The following FBXL18 variants were observed in gnomAD, a reference collection of about 807,000 sequenced individuals.
FBXL18 encodes the protein F-box/LRR-repeat protein 18.
FBXL18 carries 36 observed loss-of-function variants against 46.0 expected under a neutral mutation model. The observed-to-expected ratio is 0.78, with a 90% CI of 0.60 to 1.03. The LOEUF (loss-of-function observed/expected upper bound fraction) is 1.03. FBXL18 is among the 50% of genes least tolerant of loss of function. The probability of loss-of-function intolerance (pLI) is 0.00; values close to 1 mark genes in which losing one functional copy is unlikely to be tolerated. For missense variants in FBXL18, 977 were observed against 1,004.1 expected (o/e 0.97, Z 0.36); for synonymous variants, 557 against 465.3 (o/e 1.20, Z -2.54).
intron 1 of FBXL18, among the ~76,000 whole-genome samples, chr7:5,511,511 C>A (rs962393956): frequency 1.6e-4 from 24 of 149,562 alleles, no homozygotes; most frequent in Non-Finnish European, 3.1e-4. Context: ...GAGGCTGAGG[C>A]AGGAGAATCG....
chr7:5,509,594 CG>C (rs1784477432), intron 1 of FBXL18, among the ~76,000 whole-genome samples: 2 of 149,240 alleles, frequency 1.3e-5, no homozygotes, highest in Admixed American at 6.8e-5. Flanking sequence ...TCCAGCAACT[CG>C]GGGGGCTGAG....
rs1254059757 is a variant in FBXL18, at chr7:5,455,980, A to G, written c.2001-8137T>C. Among the ~76,000 whole-genome samples, 1 of 151,678 alleles carries G rather than the reference A, an allele frequency of 6.6e-6. No homozygotes were observed. The highest frequency in any genetic ancestry group is 1.5e-5 in the Non-Finnish European group (1 of 67,892). ...TTCGTTCCCTCTGTGCTCCTTCCCC[A>G]GTGTCACTCCTCCTTCAAACCCCAA... On this transcript the variant is annotated intron_variant and NMD_transcript_variant, in intron 4 of 6. Transcript: ENST00000415009. This position sits in a 1 kb window ranked among gnomAD's most constrained non-coding sequence, Gnocchi z 4.6.
chr7:5,507,805 G>C (rs1784429052), intron 1 of FBXL18, among the ~76,000 whole-genome samples: 1 of 151,938 alleles, frequency 6.6e-6, no homozygotes, highest in Non-Finnish European at 1.5e-5. Flanking sequence ...CTGCACTCCA[G>C]CCTGGGCAAC....
rs758605007 is a variant in FBXL18, at chr7:5,491,289, G to T, written c.1942C>A (p.Leu648Met). The T allele has an allele frequency of 1.8e-5, 29 of 1,613,142 alleles. No individual in the cohort carries two copies. The highest frequency in any genetic ancestry group is 2.4e-5 in the Non-Finnish European group (28 of 1,179,870). ...ARCLQVVMCH[L>M]FTGESLATCK... is the part of the protein sequence containing the mutation. The stretch of plus-strand genomic sequence containing the variant: ...GTGGCGAGGGACTCCCCGGTGAACA[G>T]GTGGCACATGACAACCTGCAGGCAG... The change falls in exon 4 of 5, where the codon CTG (leucine) becomes ATG (methionine). Residue 648 changes from leucine (L) to methionine (M), a missense_variant. Transcript: ENST00000382368.
rs747360843 is a variant in FBXL18 at position 5,481,761 on chromosome 7, G to A, written c.*14C>T. On this transcript the variant is annotated 3_prime_UTR_variant, in exon 5 of 5. Transcript: ENST00000382368. ...CTCGAGGTGACTGAGACCGATGGGC[G>A]GCGGCTCCGCCTCTCACCACCACAG... The A allele has an allele frequency of 1.2e-5, 20 of 1,612,812 alleles. No homozygotes were observed. The highest frequency in any genetic ancestry group is 8.8e-5 in the South Asian group (8 of 91,036).
intron 4 of FBXL18, among the ~76,000 whole-genome samples, chr7:5,456,646 A>AG (rs574191782): frequency 9.5e-4 from 144 of 152,040 alleles, no homozygotes; most frequent in African/African-American, 3.3e-3. Context: ...ATGGAAAAAA[A>AG]AAAAAAAAGG....
intron 4 of FBXL18, among the ~76,000 whole-genome samples, chr7:5,467,871 G>C (rs1783365671): frequency 6.6e-6 from 1 of 152,154 alleles, no homozygotes; most frequent in Admixed American, 6.6e-5. Flanking sequence ...ACAGCAGAAA[G>C]AGCTTGTGAC....
Position 5,501,436 on chromosome 7 carries a change from G to T in FBXL18, c.833C>A (p.Ala278Asp). ...CATGGAGTCCAGGAGGTTCTTGGTG[G>T]CGCCGCTCTCCGCGAAGCTGCCAGG... is the stretch of plus-strand genomic sequence containing the variant. ...SVPGSFAESGATKNLLDSMAR... is the reference protein window; with the variant it reads ...SVPGSFAESGDTKNLLDSMAR... The change falls in exon 3 of 5, where the codon GCC becomes GAC. Residue 278 changes from alanine (A) to aspartate (D), a missense_variant. Transcript: ENST00000382368. 1 of 1,612,732 alleles carries T rather than the reference G, an allele frequency of 6.2e-7. No individual in the cohort carries two copies.
At position 5,480,297 on chromosome 7, in the gene FBXL18, C is replaced by T. The variant is rs896691270; in HGVS notation, c.*1478G>A. ...CCAGGCTAGCAGGGCCCAACTACAG[C>T]CCCCTTTGGAAGCCACTGGCCCAGG... On this transcript the variant is annotated 3_prime_UTR_variant, in exon 5 of 5. Transcript: ENST00000382368. Among the ~76,000 whole-genome samples, 82 of 152,264 alleles carry T rather than the reference C, an allele frequency of 5.4e-4. No homozygotes were observed. Among genetic ancestry groups the T allele is most frequent in the Non-Finnish European group, 8.7e-4 (59 of 68,014 alleles).
intron 1 of FBXL18, among the ~76,000 whole-genome samples, chr7:5,510,925 G>A (rs1014881208): frequency 2.6e-5 from 4 of 152,162 alleles, no homozygotes; most frequent in Non-Finnish European, 5.9e-5. Context: ...AGGAACCACC[G>A]GCTATAATGA....
At chr7:5,509,554 G>A (rs990056924) in intron 1 of FBXL18, among the ~76,000 whole-genome samples, 2 of 151,972 alleles carry the variant, frequency 1.3e-5, no homozygotes, top group East Asian at 1.9e-4. Flanking sequence ...TTAGCCAGGC[G>A]TGGTGGTGGG....
Position 5,501,163 on chromosome 7 carries a change from T to C in FBXL18, c.1106A>G (p.Asp369Gly). The change falls in exon 3 of 5, where the codon GAC becomes GGC. Residue 369 changes from aspartate to glycine, a missense_variant. By Grantham distance (94) the Asp-to-Gly change is moderately conservative. Transcript: ENST00000382368. ...PDSLLRKAED[D>G]IDSSILETLV... ...AGTCTCCAGGATGCTGCTGTCGATG[T>C]CGTCCTCCGCCTTGCGGAGCAGCGA... The C allele has an allele frequency of 6.2e-7, 1 of 1,613,198 alleles. No homozygotes were observed. The highest frequency in any genetic ancestry group is 8.5e-7 in the Non-Finnish European group (1 of 1,179,836).
chr7:5,506,846 A>T (rs1584243536), intron 1 of FBXL18, among the ~76,000 whole-genome samples: 2 of 152,186 alleles, frequency 1.3e-5, no homozygotes, highest in Admixed American at 1.3e-4. Flanking sequence ...GCACCTGGCC[A>T]TGCACACTTC....
At chr7:5,472,835 G>A (rs905798374), downstream of FBXL18, among the ~76,000 whole-genome samples, 1 of 152,156 alleles carries the variant, frequency 6.6e-6, no homozygotes, top group Non-Finnish European at 1.5e-5. Flanking sequence ...CACAGTGGCC[G>A]TTCTGGACCC....
At chr7:5,497,014 G>C (rs1407953216) in intron 3 of FBXL18, among the ~76,000 whole-genome samples, 1 of 134,906 alleles carries the variant, frequency 7.4e-6, no homozygotes, top group African/African-American at 2.9e-5. Context: ...CTGGGTGACA[G>C]AGTGAGACTC....
At chr7:5,504,607 T>C (rs1380184431) in intron 2 of FBXL18, among the ~76,000 whole-genome samples, 5 of 144,392 alleles carry the variant, frequency 3.5e-5, no homozygotes, top group African/African-American at 1.2e-4. Context: ...CACCTGGCCT[T>C]ATTTTTATCT....
chr7:5,463,733 T>A (rs1454893625), intron 4 of FBXL18, among the ~76,000 whole-genome samples: 1,626 of 22,598 alleles, frequency 0.072, 70 homozygotes, highest in African/African-American at 0.15. Context: ...TATTTATTTT[T>A]TTTTTTTTTT....
At chr7:5,463,000 TATATAC>T (rs1783278399) in intron 4 of FBXL18, among the ~76,000 whole-genome samples, 1 of 83,832 alleles carries the variant, frequency 1.2e-5, no homozygotes, top group African/African-American at 4.1e-5. Flanking sequence ...ATATATAATA[TATATAC>T]ACACACACAT....
intron 3 of FBXL18, among the ~76,000 whole-genome samples, chr7:5,494,868 C>G (rs916647587): frequency 6.6e-6 from 1 of 152,054 alleles, no homozygotes; most frequent in Admixed American, 6.5e-5. Flanking sequence ...GTCTGCAGAG[C>G]GTGGAAAAAA....
Sources: gnomAD v4.1 joint callset for allele counts (sites outside exome capture counted in the v4.1 genomes callset) on GRCh38, gnomAD v4.1.1 for gene constraint, Gnocchi (gnomAD v3.1) non-coding constraint, MANE v1.5 for transcripts, NCBI Gene and HGNC (gene_info 2026-07-23, HGNC 2026-07-21) for gene names.